RAB30: variants seen among roughly 807,000 people sequenced by gnomAD.
RAB30 encodes the protein ras-related protein Rab-30.
Under a neutral mutation model 25.1 loss-of-function variants are expected in RAB30, and 9 were observed. The ratio of observed to expected loss-of-function variants is 0.36; its 90% CI spans 0.22 to 0.63. RAB30 has a LOEUF of 0.63. Among genes scored for constraint, RAB30 ranks in the 20% least tolerant of loss-of-function variants. RAB30 has a pLI of 0.69. For missense variants in RAB30, 140 were observed against 243.5 expected, an observed-to-expected ratio of 0.58 and a Z score of 2.83; for synonymous variants, 77 against 86.4, an observed-to-expected ratio of 0.89 and a Z score of 0.60.
intron 1 of RAB30, among the ~76,000 whole-genome samples, chr11:82,998,125 ATTGT>A (rs1195094857): frequency 6.6e-6 from 1 of 152,148 alleles, no homozygotes; most frequent in East Asian, 1.9e-4. Flanking sequence ...GCTGTATACA[ATTGT>A]TTGTTCAAAT....
At chr11:83,020,898 C>T (rs1202987245) in intron 1 of RAB30, among the ~76,000 whole-genome samples, 2 of 152,046 alleles carry the variant, frequency 1.3e-5, no homozygotes, top group South Asian at 2.1e-4. Flanking sequence ...ATGACCTGCC[C>T]GCAGAGAGGA....
chr11:83,001,652 C>T (rs1173498980), intron 1 of RAB30, among the ~76,000 whole-genome samples: 1 of 152,192 alleles, frequency 6.6e-6, no homozygotes, highest in Non-Finnish European at 1.5e-5. Flanking sequence ...CAAACTTCTA[C>T]TCTTTGACGA....
chr11:83,001,262 G>A (rs1464855301), intron 1 of RAB30, among the ~76,000 whole-genome samples: 1 of 152,026 alleles, frequency 6.6e-6, no homozygotes, highest in Non-Finnish European at 1.5e-5. Flanking sequence ...GTGCAGTGGC[G>A]CGATCATGGA....
rs1174435617 is a variant in RAB30 at position 82,979,014 on chromosome 11, T to A, written c.*3151A>T. 2 of 152,054 alleles carry A rather than the reference T, an allele frequency of 1.3e-5. No homozygotes were observed. Among genetic ancestry groups the A allele is most frequent in the Non-Finnish European group, 2.9e-5 (2 of 68,002 alleles). The allele number at this position is 152,054 out of a possible 1,614,324, so 9.4% of individuals were successfully genotyped here. ...AGGCCAGGAAGAACCCATGGCCTAA[T>A]CTAAGTAATCCATCAAAAAAGATAA... On this transcript the variant is annotated 3_prime_UTR_variant, in exon 5 of 5. Transcript: ENST00000527633.
At chr11:83,033,055 C>CTTTT (rs71463144) in intron 1 of RAB30, among the ~76,000 whole-genome samples, 24 of 77,862 alleles carry the variant, frequency 3.1e-4, no homozygotes, top group Non-Finnish European at 3.6e-4. Flanking sequence ...GCCTCAAATT[C>CTTTT]TTTTTTTTTT....
intron 1 of RAB30, among the ~76,000 whole-genome samples, chr11:83,005,138 T>C (rs1489621683): frequency 6.6e-6 from 1 of 152,206 alleles, no homozygotes; most frequent in Non-Finnish European, 1.5e-5. Flanking sequence ...CATTATCTAA[T>C]CTGGACCTCC....
intron 1 of RAB30, among the ~76,000 whole-genome samples, chr11:83,029,299 C>T (rs1317932438): frequency 1.3e-5 from 2 of 151,966 alleles, no homozygotes; most frequent in Non-Finnish European, 1.5e-5. Context: ...AGCAGACCCC[C>T]CAACACCCAT....
rs1307124694 is a variant in RAB30, at chr11:82,973,758, T to C, written c.*8407A>G. 6.6e-6 allele frequency: 1 copy of C among 152,230 alleles called. No homozygotes were observed. The highest frequency in any genetic ancestry group is 1.9e-4 in the East Asian group (1 of 5,204). 9.4% of individuals were successfully genotyped at this position (152,230 alleles called of 1,614,324 possible). A position where few individuals can be genotyped will look rare whatever the true frequency, so the allele number is the denominator to read the frequency against. ...ATTTGATTTGATTTGTCAGACTAAT[T>C]GTTTTTAAGAGAGATGTGAAAACAT... On this transcript the variant is annotated 3_prime_UTR_variant, in exon 5 of 5. Coordinates refer to ENST00000527633, the MANE Select transcript of RAB30 (RefSeq NM_001286060.2).
At chr11:83,032,409 G>C (rs1590865690) in intron 1 of RAB30, among the ~76,000 whole-genome samples, 1 of 152,204 alleles carries the variant, frequency 6.6e-6, no homozygotes, top group Non-Finnish European at 1.5e-5. Context: ...AGGAAAGGGG[G>C]TATGATTTCA....
At chr11:82,992,736 A>AACACACACACACACACACACACACACAC (rs113845129) in intron 3 of RAB30, among the ~76,000 whole-genome samples, 1 of 131,126 alleles carries the variant, frequency 7.6e-6, no homozygotes, top group African/African-American at 2.9e-5. Flanking sequence ...CTCTGTCACC[A>AACACACACACACACACACACACACACAC]ACACACACAC....
chr11:83,067,392 TA>T (rs1209228622), intron 1 of RAB30, among the ~76,000 whole-genome samples: 1 of 152,156 alleles, frequency 6.6e-6, no homozygotes, highest in Non-Finnish European at 1.5e-5. Flanking sequence ...ATCATACAGC[TA>T]ATAAATAAGC....
intron 1 of RAB30, among the ~76,000 whole-genome samples, chr11:83,047,552 GC>G (rs1351683005): frequency 6.6e-6 from 1 of 152,182 alleles, no homozygotes; most frequent in East Asian, 1.9e-4. Context: ...AGGGCAACAA[GC>G]CAAGGAAAGT....
chr11:83,059,739 G>C (rs539280557), intron 1 of RAB30, among the ~76,000 whole-genome samples: 2 of 152,266 alleles, frequency 1.3e-5, no homozygotes, highest in African/African-American at 4.8e-5. Context: ...TACTTTATCA[G>C]ATTGCTTTTG....
Position 83,053,620 on chromosome 11 carries a change from CA to C in RAB30, c.-9+18070del, listed in dbSNP as rs36050063. On this transcript the variant is annotated intron_variant, in intron 1 of 4. Coordinates refer to ENST00000527633, the MANE Select transcript of RAB30 (RefSeq NM_001286060.2). ...CTGCTCTATGCTTCCTAAATGCCTT[CA>C]AAAAAAAAAAAATCTAACCCACAGG... Among the ~76,000 whole-genome samples, 804 of 144,660 alleles carry C rather than the reference CA, an allele frequency of 5.6e-3. 6 individuals are homozygous for C. Among genetic ancestry groups the C allele is most frequent in the African/African-American group, 0.016 (633 of 40,178 alleles). The allele number at this position is 144,660 out of a possible 152,430, so 94.9% of individuals were successfully genotyped here.
chr11:83,065,774 A>G (rs1858682195), intron 1 of RAB30, among the ~76,000 whole-genome samples: 1 of 152,252 alleles, frequency 6.6e-6, no homozygotes, highest in East Asian at 1.9e-4. Context: ...TATACCAAGC[A>G]TAGTGTCAGA....
chr11:83,003,518 G>T (rs1857129337), intron 1 of RAB30, among the ~76,000 whole-genome samples: 1 of 152,158 alleles, frequency 6.6e-6, no homozygotes, highest in South Asian at 2.1e-4. Context: ...TGCCTCCTGG[G>T]TTCAAGCGAT....
chr11:82,987,923 A>G (rs1856771520), intron 3 of RAB30, among the ~76,000 whole-genome samples, 153 bp from the exon 4 acceptor site: 1 of 129,692 alleles, frequency 7.7e-6, no homozygotes, highest in East Asian at 2.1e-4. Context: ...AAAAAAAAAA[A>G]AAAAAAAAAA....
rs28411402 is a variant in RAB30, at chr11:83,071,732, A to C, written c.-50T>G. 257 of 215,594 alleles carry C rather than the reference A, an allele frequency of 1.2e-3. 4 individuals carry two copies. The East Asian group carries it at 0.026, about 22-fold the overall frequency. The allele number at this position is 215,594 out of a possible 1,614,324, so 13.4% of individuals were successfully genotyped here. Reference sequence around the variant, plus strand: ...CTCCCCACCCCAGGCATAAACAGAAATGGATGTGCGAATGAGTCACGCACG... The same window carrying C: ...CTCCCCACCCCAGGCATAAACAGAACTGGATGTGCGAATGAGTCACGCACG... On this transcript the variant is annotated 5_prime_UTR_variant, in exon 1 of 5. Coordinates refer to ENST00000527633, the MANE Select transcript of RAB30 (RefSeq NM_001286060.2).
intron 1 of RAB30, among the ~76,000 whole-genome samples, chr11:83,061,549 C>G (rs985838807): frequency 3.3e-5 from 5 of 152,090 alleles, no homozygotes; most frequent in African/African-American, 1.2e-4. Context: ...ATGGCGATAT[C>G]TGCAACTTAC....
Sources: gnomAD v4.1 joint callset for allele counts (sites outside exome capture counted in the v4.1 genomes callset) on GRCh38, gnomAD v4.1.1 for gene constraint, MANE v1.5 for transcripts, NCBI Gene and HGNC (gene_info 2026-07-23, HGNC 2026-07-21) for gene names.